NRIP2: variants seen among roughly 807,000 people sequenced by gnomAD.
The protein encoded by NRIP2 is nuclear receptor-interacting protein 2.
Under a neutral mutation model 34.1 loss-of-function variants are expected in NRIP2, and 27 were observed. The observed-to-expected ratio is 0.79, with a 90% confidence interval of 0.58 to 1.09. The LOEUF (loss-of-function observed/expected upper bound fraction) is 1.09. Among genes scored for constraint, NRIP2 ranks in the 50% least tolerant of loss-of-function variants. The pLI is 0.00. For missense variants in NRIP2, 385 were observed against 352.6 expected, an observed-to-expected ratio of 1.09 and a Z score of -0.74; for synonymous variants, 145 against 146.9, an observed-to-expected ratio of 0.99 and a Z score of 0.09.
intron 1 of NRIP2, 108 bp from the exon 2 acceptor site, chr12:2,830,968 C>G: frequency 8.3e-7 from 1 of 1,198,958 alleles, no homozygotes; most frequent in Middle Eastern, 3.0e-4. Flanking sequence ...CCCCCCCAGC[C>G]CTGAGCCTTA....
chr12:2,828,833 ACT>A (rs1285061152), intron 2 of NRIP2, among the ~76,000 whole-genome samples: 2 of 152,008 alleles, frequency 1.3e-5, no homozygotes, highest in African/African-American at 4.8e-5. Flanking sequence ...CAAGAGCAAA[ACT>A]CTGTCTCAAA....
At chr12:2,834,608 A>C in intron 1 of NRIP2, 34 bp downstream of exon 1, 3 of 1,540,804 alleles carry the variant, frequency 1.9e-6, no homozygotes, top group Non-Finnish European at 2.6e-6. Context: ...GGAAAAGGCC[A>C]GGGGACGCTG....
In NRIP2 at chr12:2,830,819, G is replaced by A; in HGVS notation, c.384C>T (p.Asn128=). The stretch of plus-strand genomic sequence containing the variant: ...GAGGCTCCCCCTGAAGCCAATTCGG[G>A]TTTCCCTCCACCAGGCGTCTTTGGA... ...SVIQRRLVEG[N]PNWLQGEPPR... is the part of the protein sequence containing the mutation. The change falls in exon 2 of 6, where the codon AAC becomes AAT. Residue 128 remains asparagine (N), a synonymous_variant. Transcript: ENST00000337508. 6.2e-7 allele frequency: 1 copy of A among 1,613,612 alleles called. No homozygotes were observed. Among genetic ancestry groups the A allele is most frequent in the Non-Finnish European group, 8.5e-7 (1 of 1,179,822 alleles).
chr12:2,829,371 A>C (rs1461571023), intron 2 of NRIP2, among the ~76,000 whole-genome samples: 1 of 152,244 alleles, frequency 6.6e-6, no homozygotes, highest in Non-Finnish European at 1.5e-5. Context: ...AGTATTTACT[A>C]TAAGATATGT....
intron 1 of NRIP2, 160 bp from the exon 2 acceptor site, chr12:2,831,020 G>C: frequency 1.7e-6 from 1 of 595,872 alleles, no homozygotes; most frequent in East Asian, 3.1e-5. Flanking sequence ...TGAGAGCAGA[G>C]TAAGCCCCAG....
rs1294552905 is a variant in NRIP2 at position 2,830,861 on chromosome 12, C to T, written c.343-1G>A. The T allele has an allele frequency of 6.2e-7, 1 of 1,611,610 alleles. No individual in the cohort carries two copies. Among genetic ancestry groups the T allele is most frequent in the Non-Finnish European group, 8.5e-7 (1 of 1,179,000 alleles). On this transcript the variant is annotated splice_acceptor_variant, in intron 1 of 5. Transcript: ENST00000337508. LOFTEE classifies it high-confidence loss of function. ...GTCTTTGGATCACACTGCGCGGCTG[C>T]TGGCTCCATCACAAAACAATGAAGG...
chr12:2,827,222 T>C lies in NRIP2; in HGVS notation c.831A>G (p.Gln277=), dbSNP rs1160811474. ...GAGACAGCAGTCACTGGCCAGGCTCTTGGTACAAAGGCAGGAAGGGTAGCT... is the reference window on the plus strand; with the variant it reads ...GAGACAGCAGTCACTGGCCAGGCTCCTGGTACAAAGGCAGGAAGGGTAGCT... ...FSELPFLPLY[Q]EPGQ The change falls in exon 6 of 6, where the codon CAA becomes CAG. Residue 277 remains glutamine (Q), a synonymous_variant. Transcript: ENST00000337508. This position sits in a 1 kb window ranked among gnomAD's most constrained non-coding sequence, Gnocchi z 4.0. 1 of 1,614,018 alleles carries C rather than the reference T, an allele frequency of 6.2e-7. No individual in the cohort carries two copies. Among genetic ancestry groups the C allele is most frequent in the Non-Finnish European group, 8.5e-7 (1 of 1,180,018 alleles).
intron 1 of NRIP2, among the ~76,000 whole-genome samples, chr12:2,834,017 C>T (rs908474946): frequency 6.6e-6 from 1 of 152,218 alleles, no homozygotes; most frequent in African/African-American, 2.4e-5. Context: ...CACATCCTCA[C>T]TGTTACTCCC....
At chr12:2,831,697 A>C (rs7307516) in intron 1 of NRIP2, among the ~76,000 whole-genome samples, 1 of 152,054 alleles carries the variant, frequency 6.6e-6, no homozygotes, top group African/African-American at 2.4e-5. Context: ...CCCAAATTCT[A>C]TAAGTTTTGC....
At position 2,826,474 on chromosome 12, in the gene NRIP2, C is replaced by T. The variant is rs2097967569; in HGVS notation, c.*733G>A. ...CACACACACGCAAGGCTCAGGGGCTCGGTGGGTACAAAAAGCCAGTGGAAA... is the reference window on the plus strand; with the variant it reads ...CACACACACGCAAGGCTCAGGGGCTTGGTGGGTACAAAAAGCCAGTGGAAA... On this transcript the variant is annotated 3_prime_UTR_variant, in exon 6 of 6. Coordinates refer to ENST00000337508, the MANE Select transcript of NRIP2 (RefSeq NM_031474.3). 2 of 152,160 alleles carry T rather than the reference C, an allele frequency of 1.3e-5. No individual in the cohort carries two copies. The highest frequency in any genetic ancestry group is 4.2e-4 in the South Asian group (2 of 4,810). 9.4% of individuals were successfully genotyped at this position (152,160 alleles called of 1,614,324 possible).
At chr12:2,834,301 C>T (rs2098017498) in intron 1 of NRIP2, among the ~76,000 whole-genome samples, 1 of 152,198 alleles carries the variant, frequency 6.6e-6, no homozygotes, top group Admixed American at 6.5e-5. Context: ...GGCCAGTCCT[C>T]CAGGCCCTCC....
In NRIP2 at chr12:2,827,659, A is replaced by G; in HGVS notation, c.719T>C (p.Phe240Ser). The change falls in exon 5 of 6, where the codon TTC (phenylalanine) becomes TCC (serine). Residue 240 changes from phenylalanine (F) to serine (S), a missense_variant. Physicochemically the swap from Phe to Ser is radical, Grantham distance 155. Coordinates refer to ENST00000337508, the MANE Select transcript of NRIP2 (RefSeq NM_031474.3). This position sits in a 1 kb window ranked among gnomAD's most constrained non-coding sequence, Gnocchi z 4.0. ...AQVVDAESPE[F>S]CLGLQTLLSL... Reference sequence around the variant, plus strand: ...AAGCAGAGTCTGCAGGCCCAGGCAGAATTCAGGACTCTCAGCATCTATAGG... The same window carrying G: ...AAGCAGAGTCTGCAGGCCCAGGCAGGATTCAGGACTCTCAGCATCTATAGG... The G allele has an allele frequency of 6.2e-7, 1 of 1,614,146 alleles. No homozygotes were observed.
At chr12:2,831,882 C>T (rs1305116319) in intron 1 of NRIP2, among the ~76,000 whole-genome samples, 2 of 152,162 alleles carry the variant, frequency 1.3e-5, no homozygotes, top group African/African-American at 4.8e-5. Context: ...AAAGCATATG[C>T]CACAGTACCT....
At chr12:2,832,967 A>G (rs1429231132) in intron 1 of NRIP2, among the ~76,000 whole-genome samples, 3 of 151,794 alleles carry the variant, frequency 2.0e-5, no homozygotes, top group African/African-American at 7.3e-5. Context: ...CTGGCTCTGC[A>G]CTTCCCATCT....
At chr12:2,833,438 G>A (rs963505770) in intron 1 of NRIP2, among the ~76,000 whole-genome samples, 1 of 152,140 alleles carries the variant, frequency 6.6e-6, no homozygotes, top group Admixed American at 6.5e-5. Flanking sequence ...TCTGGGCTGT[G>A]GTCCTGGTGG....
chr12:2,830,547 G>A (rs2097996208), intron 2 of NRIP2, 161 bp downstream of exon 2: 2 of 665,656 alleles, frequency 3.0e-6, no homozygotes, highest in Middle Eastern at 4.2e-4. Flanking sequence ...GCTTGGGGCA[G>A]GGAGGAAGGA....
rs375970571 is a variant in NRIP2 at position 2,834,653 on chromosome 12, A to T, written c.331T>A (p.Ser111Thr). The part of the protein sequence containing the change: ...PLDSLKRLGT[S>T]KDLQPRSVIQ... ...GGGTGATGCCTCACCAAGTCCTTGGAGGTGCCGAGCCTCTTGAGGCTGTCC... is the reference window on the plus strand; with the variant it reads ...GGGTGATGCCTCACCAAGTCCTTGGTGGTGCCGAGCCTCTTGAGGCTGTCC... The change falls in exon 1 of 6, where the codon TCC (serine) becomes ACC (threonine). Residue 111 changes from serine (S) to threonine (T), a missense_variant. Ser to Thr is a moderately conservative substitution (Grantham distance 58, BLOSUM62 1). Transcript: ENST00000337508. 20 of 1,596,678 alleles carry T rather than the reference A, an allele frequency of 1.3e-5. No homozygotes were observed. Among genetic ancestry groups the T allele is most frequent in the Non-Finnish European group, 1.7e-5 (20 of 1,171,198 alleles).
At chr12:2,828,515 T>C (rs763134134) in intron 2 of NRIP2, 101 bp from the exon 3 acceptor site, 4 of 907,824 alleles carry the variant, frequency 4.4e-6, no homozygotes, top group Non-Finnish European at 7.1e-6. Context: ...CTCCTAGAAA[T>C]GAGTGGAGAA....
At chr12:2,831,752 C>G (rs1052747439) in intron 1 of NRIP2, among the ~76,000 whole-genome samples, 1 of 151,976 alleles carries the variant, frequency 6.6e-6, no homozygotes, top group African/African-American at 2.4e-5. Flanking sequence ...TCTCTCTCTT[C>G]TTTCTTTTCT....
Sources: allele counts gnomAD v4.1 joint callset (sites outside exome capture counted in the v4.1 genomes callset), GRCh38; gene constraint gnomAD v4.1.1; non-coding constraint Gnocchi (gnomAD v3.1); transcripts MANE v1.5; gene names NCBI Gene and HGNC (gene_info 2026-07-23, HGNC 2026-07-21).